MARCHF5: variants seen among roughly 807,000 people sequenced by gnomAD.
The protein encoded by MARCHF5 is E3 ubiquitin-protein ligase MARCHF5.
MARCHF5 carries 5 observed loss-of-function variants against 36.5 expected under a neutral mutation model. The observed-to-expected ratio is 0.14, with a 90% CI of 0.07 to 0.29. The LOEUF (loss-of-function observed/expected upper bound fraction) is 0.29. MARCHF5 is among the 10% of genes least tolerant of loss of function. The pLI is 1.00. For synonymous variants in MARCHF5, 103 were observed against 109.9 expected, an observed-to-expected ratio of 0.94 and a Z score of 0.39; for missense variants, 179 against 336.3, an observed-to-expected ratio of 0.53 and a Z score of 3.66.
At position 92,352,043 on chromosome 10, in the gene MARCHF5, GGAT is replaced by G. The variant is rs1843721749; in HGVS notation, c.*840_*842del. On this transcript the variant is annotated 3_prime_UTR_variant, in exon 6 of 6. Transcript: ENST00000358935. ...GCCAGTTTATAGTAGTTTGAGCAGA[GGAT>G]GATTTGCAAAAATAAAAATAAAGTT... is the stretch of plus-strand genomic sequence containing the variant. 1 of 152,352 alleles carries G rather than the reference GGAT, an allele frequency of 6.6e-6. No individual in the cohort carries two copies. Among genetic ancestry groups the G allele is most frequent in the Non-Finnish European group, 1.5e-5 (1 of 67,990 alleles). The allele number at this position is 152,352 out of a possible 1,614,324, so 9.4% of individuals were successfully genotyped here. A position where few individuals can be genotyped will look rare whatever the true frequency, so the allele number is the denominator to read the frequency against.
chr10:92,340,864 T>C, intron 3 of MARCHF5, 61 bp downstream of exon 3: 2 of 1,338,852 alleles, frequency 1.5e-6, no homozygotes, highest in Non-Finnish European at 1.0e-6. Context: ...AAACATTTTT[T>C]GTTAGACATT....
At chr10:92,299,358 C>G (rs1842985966) in intron 1 of MARCHF5, among the ~76,000 whole-genome samples, 2 of 152,148 alleles carry the variant, frequency 1.3e-5, no homozygotes, top group African/African-American at 4.8e-5. Context: ...GTGCTTTGAT[C>G]TGTTACTATA....
intron 1 of MARCHF5, among the ~76,000 whole-genome samples, chr10:92,293,396 G>T (rs1842914150): frequency 6.6e-6 from 1 of 152,032 alleles, no homozygotes; most frequent in Admixed American, 6.6e-5. Flanking sequence ...GAGCCATCGT[G>T]CCCAGCCTAG....
intron 2 of MARCHF5, among the ~76,000 whole-genome samples, chr10:92,339,243 G>A (rs1000035340): frequency 6.6e-6 from 1 of 150,932 alleles, no homozygotes; most frequent in Non-Finnish European, 1.5e-5. Context: ...GGTGGCACAT[G>A]CCTGTAATCC....
chr10:92,293,458 A>G (rs913313626), intron 1 of MARCHF5, among the ~76,000 whole-genome samples: 1 of 151,982 alleles, frequency 6.6e-6, no homozygotes, highest in African/African-American at 2.4e-5. Flanking sequence ...CTCTTTGGAT[A>G]TTTCCATAAA....
intron 2 of MARCHF5, among the ~76,000 whole-genome samples, chr10:92,321,055 T>G (rs1169373625): frequency 2.0e-5 from 3 of 152,074 alleles, no homozygotes; most frequent in Non-Finnish European, 4.4e-5. Context: ...GCCTACAGTA[T>G]TCAATACAGT....
At chr10:92,293,470 G>A (rs1174611248) in intron 1 of MARCHF5, among the ~76,000 whole-genome samples, 1 of 151,916 alleles carries the variant, frequency 6.6e-6, no homozygotes, top group South Asian at 2.1e-4. Flanking sequence ...TTCCATAAAA[G>A]TAAGAAGCCA....
chr10:92,346,592 G>A (rs1436792226), intron 3 of MARCHF5, among the ~76,000 whole-genome samples: 3 of 146,482 alleles, frequency 2.0e-5, no homozygotes, highest in Admixed American at 7.1e-5. Flanking sequence ...GGGTTCAAGC[G>A]ATTCTCCTGC....
chr10:92,312,704 ATATTTC>A (rs1843158512), intron 2 of MARCHF5, among the ~76,000 whole-genome samples: 1 of 152,204 alleles, frequency 6.6e-6, no homozygotes, highest in Non-Finnish European at 1.5e-5. Flanking sequence ...CAACAATTAA[ATATTTC>A]TATTAGATGT....
At position 92,291,327 on chromosome 10, in the gene MARCHF5, C is replaced by G. The variant is rs915281397; in HGVS notation, c.-168C>G. 6 of 658,564 alleles carry G rather than the reference C, an allele frequency of 9.1e-6. No individual in the cohort carries two copies. Among genetic ancestry groups the G allele is most frequent in the Admixed American group, 2.3e-5 (1 of 42,598 alleles). The allele number at this position is 658,564 out of a possible 1,614,324, so 40.8% of individuals were successfully genotyped here. ...CCGCCTCCGCCGGACTCCCGCAGGC[C>G]CTGCACCGCCGCCGCCAGGCTAGCG... is the stretch of plus-strand genomic sequence containing the variant. On this transcript the variant is annotated 5_prime_UTR_variant, in exon 1 of 6. Transcript: ENST00000358935.
At chr10:92,296,248 A>G (rs1214600948) in intron 1 of MARCHF5, among the ~76,000 whole-genome samples, 1 of 152,106 alleles carries the variant, frequency 6.6e-6, no homozygotes, top group African/African-American at 2.4e-5. Flanking sequence ...TTATTATTTG[A>G]ACCTTTTAAG....
rs1479479487 is a variant in MARCHF5, at chr10:92,322,979, A to G, written c.238+11642A>G. 1.7e-3 allele frequency among the ~76,000 whole-genome samples: 261 copies of G among 151,044 alleles called. 3 individuals carry two copies. The highest frequency in any genetic ancestry group is 5.9e-3 in the African/African-American group (241 of 40,836). Reference sequence around the variant, plus strand: ...TCTTGATCTCTTGACCTCGTGATCCACCCACCTTGGCCTCCCAAAGTGCTG... The same window carrying G: ...TCTTGATCTCTTGACCTCGTGATCCGCCCACCTTGGCCTCCCAAAGTGCTG... On this transcript the variant is annotated intron_variant, in intron 2 of 5. Transcript: ENST00000358935.
chr10:92,296,495 A>G (rs1256492111), intron 1 of MARCHF5, among the ~76,000 whole-genome samples: 1 of 152,158 alleles, frequency 6.6e-6, no homozygotes, highest in African/African-American at 2.4e-5. Flanking sequence ...TTTCTCTAAA[A>G]CTTCTCAAAG....
intron 1 of MARCHF5, among the ~76,000 whole-genome samples, chr10:92,297,465 ACCACATCCAG>A (rs1842960707): frequency 7.0e-6 from 1 of 143,866 alleles, no homozygotes. Flanking sequence ...GGTGTGTTCC[ACCACATCCAG>A]CTTTCAACTT....
intron 2 of MARCHF5, among the ~76,000 whole-genome samples, chr10:92,318,135 A>C (rs1197555691): frequency 6.6e-6 from 1 of 152,030 alleles, no homozygotes; most frequent in Non-Finnish European, 1.5e-5. Flanking sequence ...TGATGAAAGC[A>C]GATATCCTTG....
chr10:92,338,092 G>A (rs1843526680), intron 2 of MARCHF5, among the ~76,000 whole-genome samples: 1 of 152,048 alleles, frequency 6.6e-6, no homozygotes, highest in South Asian at 2.1e-4. Context: ...TGGGGGCTGA[G>A]GTGGGAGGCT....
intron 1 of MARCHF5, among the ~76,000 whole-genome samples, chr10:92,304,779 C>G (rs900456234): frequency 2.6e-5 from 4 of 152,126 alleles, no homozygotes; most frequent in Admixed American, 6.5e-5. Context: ...TTTCTCCCCT[C>G]ATTCAGATTT....
chr10:92,333,658 A>G, intron 2 of MARCHF5: 1 of 985,290 alleles, frequency 1.0e-6, no homozygotes, highest in Non-Finnish European at 1.2e-6. Context: ...TATGTAAAGG[A>G]AGCCTCATGG....
At chr10:92,343,727 G>A (rs996563474) in intron 3 of MARCHF5, among the ~76,000 whole-genome samples, 10 of 152,206 alleles carry the variant, frequency 6.6e-5, no homozygotes, top group Admixed American at 5.2e-4. Flanking sequence ...GTGCCACCAC[G>A]CCCAGCTAAT....
Sources: allele counts gnomAD v4.1 joint callset (sites outside exome capture counted in the v4.1 genomes callset), GRCh38; gene constraint gnomAD v4.1.1; transcripts MANE v1.5; gene names NCBI Gene and HGNC (gene_info 2026-07-23, HGNC 2026-07-21).